BMPR1A: variants seen among roughly 807,000 people sequenced by gnomAD.
The protein encoded by BMPR1A is bone morphogenetic protein receptor type-1A.
BMPR1A carries 7 observed loss-of-function variants against 66.0 expected under a neutral mutation model. The ratio of observed to expected loss-of-function variants is 0.11; its 90% CI spans 0.06 to 0.20. BMPR1A has a LOEUF of 0.20. BMPR1A is among the 10% of genes least tolerant of loss of function. The pLI is 1.00. For synonymous variants in BMPR1A, 200 were observed against 229.7 expected (o/e 0.87, Z 1.17); for missense variants, 408 against 669.1 (o/e 0.61, Z 4.31).
chr10:86,820,704 T>A (rs1287741197), intron 1 of BMPR1A, among the ~76,000 whole-genome samples: 1 of 152,208 alleles, frequency 6.6e-6, no homozygotes. Context: ...CTTCTCCGGA[T>A]GCTAGTTGAT....
intron 5 of BMPR1A, among the ~76,000 whole-genome samples, chr10:86,896,009 C>T (rs1457624842): frequency 2.0e-5 from 3 of 151,972 alleles, no homozygotes; most frequent in Admixed American, 6.6e-5. Flanking sequence ...CAAAAATTAG[C>T]CGGGCGTGGT....
At chr10:86,763,402 C>G (rs568803005) in intron 1 of BMPR1A, among the ~76,000 whole-genome samples, 136 of 151,976 alleles carry the variant, frequency 8.9e-4, no homozygotes, top group South Asian at 7.1e-3. Flanking sequence ...TAACCCAATC[C>G]GAATCTTCGT....
chr10:86,784,086 T>G (rs967206190), intron 1 of BMPR1A, among the ~76,000 whole-genome samples: 21 of 152,214 alleles, frequency 1.4e-4, no homozygotes, highest in African/African-American at 4.8e-4. Flanking sequence ...TACTTCTTCC[T>G]TTCCAATTTG....
intron 7 of BMPR1A, among the ~76,000 whole-genome samples, chr10:86,910,312 T>C (rs992364177): frequency 5.3e-5 from 8 of 152,172 alleles, no homozygotes; most frequent in Non-Finnish European, 7.3e-5. Context: ...CACTCCAGCC[T>C]GGAGGACAGA....
intron 1 of BMPR1A, among the ~76,000 whole-genome samples, chr10:86,835,742 T>C (rs1842337717): frequency 6.6e-6 from 1 of 152,070 alleles, no homozygotes; most frequent in South Asian, 2.1e-4. Context: ...GGATTCTGCA[T>C]GGGTAGTGAG....
intron 1 of BMPR1A, among the ~76,000 whole-genome samples, chr10:86,804,572 G>C (rs1159688303): frequency 6.6e-6 from 1 of 151,932 alleles, no homozygotes; most frequent in Non-Finnish European, 1.5e-5. Context: ...ACAAATTTAT[G>C]GTCTGAGGTA....
At chr10:86,844,215 A>G (rs1842456791) in intron 2 of BMPR1A, among the ~76,000 whole-genome samples, 1 of 152,232 alleles carries the variant, frequency 6.6e-6, no homozygotes, top group African/African-American at 2.4e-5. Context: ...AGATTTTATG[A>G]AAAAAGCAAA....
chr10:86,920,507 C>T (rs1409500421), intron 10 of BMPR1A, among the ~76,000 whole-genome samples: 1 of 152,112 alleles, frequency 6.6e-6, no homozygotes, highest in Non-Finnish European at 1.5e-5. Flanking sequence ...ATAAAAGTAC[C>T]AGTCTTTAAA....
intron 1 of BMPR1A, among the ~76,000 whole-genome samples, chr10:86,763,477 G>T (rs1841107217): frequency 1.3e-5 from 2 of 152,070 alleles, no homozygotes; most frequent in Admixed American, 6.6e-5. Flanking sequence ...CTTAAAAAAA[G>T]AAAAAGAAAG....
chr10:86,833,288 A>G (rs1043592071), intron 1 of BMPR1A, among the ~76,000 whole-genome samples: 1 of 152,192 alleles, frequency 6.6e-6, no homozygotes, highest in African/African-American at 2.4e-5. Flanking sequence ...TTTAACTTGC[A>G]TCTTCCTAAT....
chr10:86,842,829 C>T (rs1020987959), intron 2 of BMPR1A, among the ~76,000 whole-genome samples: 4 of 152,104 alleles, frequency 2.6e-5, no homozygotes, highest in African/African-American at 9.7e-5. Flanking sequence ...GGGGAAACCT[C>T]TTACAAAATC....
At chr10:86,916,606 G>A (rs79615256) in intron 8 of BMPR1A, among the ~76,000 whole-genome samples, 1 of 152,194 alleles carries the variant, frequency 6.6e-6, no homozygotes, top group South Asian at 2.1e-4. Context: ...CACTGGGAGG[G>A]TAATTATTAT....
rs1317991973 is a variant in BMPR1A, at chr10:86,924,250, T to C, written c.*531T>C. 2 of 243,312 alleles carry C rather than the reference T, an allele frequency of 8.2e-6. No homozygotes were observed. Among genetic ancestry groups the C allele is most frequent in the Non-Finnish European group, 1.6e-5 (2 of 122,860 alleles). The allele number at this position is 243,312 out of a possible 1,614,324, so 15.1% of individuals were successfully genotyped here. A position where few individuals can be genotyped will look rare whatever the true frequency, so the allele number is the denominator to read the frequency against. On this transcript the variant is annotated 3_prime_UTR_variant, in exon 13 of 13. Transcript: ENST00000372037. Reference sequence around the variant, plus strand: ...CCTTAGTGATGTGTGTGTGTCTCCATGCACATGCACGCCGGGATTCCTCTG... The same window carrying C: ...CCTTAGTGATGTGTGTGTGTCTCCACGCACATGCACGCCGGGATTCCTCTG...
chr10:86,922,442 C>T (rs944752009), intron 11 of BMPR1A, among the ~76,000 whole-genome samples: 1 of 152,080 alleles, frequency 6.6e-6, no homozygotes, highest in Non-Finnish European at 1.5e-5. Flanking sequence ...CTGGCAGTTA[C>T]GTAATTTAGA....
intron 1 of BMPR1A, among the ~76,000 whole-genome samples, chr10:86,763,019 C>T (rs1251147770): frequency 6.6e-6 from 1 of 152,058 alleles, no homozygotes; most frequent in Non-Finnish European, 1.5e-5. Context: ...CCTCAGCCTC[C>T]CAAGTAGTTG....
chr10:86,827,925 G>C (rs1351712029), intron 1 of BMPR1A, among the ~76,000 whole-genome samples: 4 of 152,170 alleles, frequency 2.6e-5, no homozygotes, highest in African/African-American at 7.2e-5. Flanking sequence ...AGGCCAAAGA[G>C]GGCGGATCAC....
At chr10:86,779,862 AAAGTGCTGGGAC>A (rs1426998843) in intron 1 of BMPR1A, among the ~76,000 whole-genome samples, 1 of 152,138 alleles carries the variant, frequency 6.6e-6, no homozygotes, top group Non-Finnish European at 1.5e-5. Context: ...TCAGCCTCCC[AAAGTGCTGGGAC>A]TACAGGTGTG....
chr10:86,789,510 C>T (rs1220344319), intron 1 of BMPR1A, among the ~76,000 whole-genome samples: 2 of 151,844 alleles, frequency 1.3e-5, no homozygotes, highest in South Asian at 2.1e-4. Flanking sequence ...GTCAGGAGTT[C>T]GAGACCAGCC....
At chr10:86,826,488 AG>A (rs1187994220) in intron 1 of BMPR1A, among the ~76,000 whole-genome samples, 3 of 151,348 alleles carry the variant, frequency 2.0e-5, no homozygotes, top group Non-Finnish European at 4.4e-5. Context: ...CTTTAGGATA[AG>A]CCACTACCCC....
Sources: allele counts gnomAD v4.1 joint callset (sites outside exome capture counted in the v4.1 genomes callset), GRCh38; gene constraint gnomAD v4.1.1; transcripts MANE v1.5; gene names NCBI Gene and HGNC (gene_info 2026-07-23, HGNC 2026-07-21).